GALNT9: variants seen among roughly 807,000 people sequenced by gnomAD.
The protein encoded by GALNT9 is GalNAc transferase 9.
A neutral mutation model predicts 63.1 loss-of-function variants in GALNT9; 47 were observed. The observed-to-expected ratio is 0.75, with a 90% CI of 0.59 to 0.95. The LOEUF is 0.95. Ranked by LOEUF, GALNT9 falls within the 40% of genes least tolerant of loss-of-function variation. GALNT9 has a pLI of 0.00. For synonymous variants in GALNT9, 396 were observed against 365.7 expected (o/e 1.08, Z -0.94); for missense variants, 829 against 874.8 (o/e 0.95, Z 0.66).
At chr12:132,220,766 T>C (rs555848832) in intron 6 of GALNT9, among the ~76,000 whole-genome samples, 32 of 152,280 alleles carry the variant, frequency 2.1e-4, no homozygotes, top group African/African-American at 7.7e-4. Flanking sequence ...ACTGTCCAGA[T>C]TTGTAGAAAC....
intron 2 of GALNT9, chr12:132,284,664 T>C (rs1395656549): frequency 3.3e-5 from 5 of 152,240 alleles, no homozygotes; most frequent in African/African-American, 7.2e-5. Context: ...CCTGTTTGTC[T>C]AAAGGACTCG....
At chr12:132,223,139 ACACACACCACACAAC>A in intron 6 of GALNT9, among the ~76,000 whole-genome samples, 1 of 29,404 alleles carries the variant, frequency 3.4e-5, no homozygotes, top group Non-Finnish European at 6.2e-5. Flanking sequence ...CACACCCCAC[ACACACACCACACAAC>A]CCACACACCA....
intron 1 of GALNT9, among the ~76,000 whole-genome samples, chr12:132,324,223 T>A (rs1868930404): frequency 6.6e-6 from 1 of 151,914 alleles, no homozygotes; most frequent in Non-Finnish European, 1.5e-5. Context: ...CCTCCGGAGC[T>A]CTCGAGGGAG....
At chr12:132,281,555 T>C (rs563256638) in intron 2 of GALNT9, among the ~76,000 whole-genome samples, 2 of 152,354 alleles carry the variant, frequency 1.3e-5, no homozygotes, top group South Asian at 2.1e-4. Context: ...AACCAGAGTA[T>C]CTATAAACTG....
At chr12:132,212,204 C>T (rs113666354) in intron 6 of GALNT9, among the ~76,000 whole-genome samples, 17 of 145,002 alleles carry the variant, frequency 1.2e-4, no homozygotes, top group Admixed American at 1.1e-3. Flanking sequence ...GACCTCGACA[C>T]GGAAACCCCA....
intron 6 of GALNT9, among the ~76,000 whole-genome samples, chr12:132,237,673 G>A (rs183044174): frequency 1.4e-4 from 21 of 152,368 alleles, no homozygotes; most frequent in African/African-American, 4.6e-4. Flanking sequence ...GTGGTGGTTC[G>A]TGGGTGGGGG....
chr12:132,198,207 T>C lies in GALNT9; in HGVS notation c.1498-248A>G, dbSNP rs1875686473. Among the ~76,000 whole-genome samples the C allele has an allele frequency of 3.9e-5, 6 of 152,352 alleles. No homozygotes were observed. In the South Asian group the frequency reaches 1.2e-3, roughly 32 times the overall value. The stretch of plus-strand genomic sequence containing the variant: ...TCCCGGCTTGCACAGCTGGCTGGTC[T>C]TCCGCCTGGACAGACGTCATGAATG... On this transcript the variant is annotated intron_variant, in intron 9 of 10. Coordinates refer to ENST00000328957, the MANE Select transcript of GALNT9 (RefSeq NM_001122636.2).
In GALNT9 at chr12:132,221,658, C is replaced by CA. The variant is rs761220333; in HGVS notation, c.1078-17969dup. Reference sequence around the variant, plus strand: ...CCTGGGTGACAGAGTGAGACGTTCTCAAAAAAAAAAAAAAAAAAAAGCAAG... The same window carrying CA: ...CCTGGGTGACAGAGTGAGACGTTCTCAAAAAAAAAAAAAAAAAAAAAGCAAG... On this transcript the variant is annotated intron_variant, in intron 6 of 10. Transcript: ENST00000328957. Among the ~76,000 whole-genome samples, 556 of 79,588 alleles carry CA rather than the reference C, an allele frequency of 7.0e-3. 14 individuals carry two copies. The highest frequency in any genetic ancestry group is 0.024 in the Middle Eastern group (3 of 124). The allele number at this position is 79,588 out of a possible 152,430, so 52.2% of individuals were successfully genotyped here.
Position 132,199,181 on chromosome 12 carries a change from G to A in GALNT9, c.1490C>T (p.Ser497Phe). 6.3e-7 allele frequency: 1 copy of A among 1,596,578 alleles called. No homozygotes were observed. Among genetic ancestry groups the A allele is most frequent in the Non-Finnish European group, 8.5e-7 (1 of 1,173,272 alleles). ...RAILYPCHGMSSQLVRYSADG... is the reference protein window; with the variant it reads ...RAILYPCHGMFSQLVRYSADG... ...GGCCGCTGCTACTCCTACCTGGGAG[G>A]ACATCCCGTGGCAGGGGTAGAGGAT... The change falls in exon 9 of 11, where the codon TCC (serine) becomes TTC (phenylalanine). Residue 497 changes from serine to phenylalanine, a missense_variant. By Grantham distance (155) the Ser-to-Phe change is radical. Coordinates refer to ENST00000328957, the MANE Select transcript of GALNT9 (RefSeq NM_001122636.2).
At chr12:132,227,873 CA>C (rs1418509153) in intron 6 of GALNT9, among the ~76,000 whole-genome samples, 1 of 152,048 alleles carries the variant, frequency 6.6e-6, no homozygotes, top group Non-Finnish European at 1.5e-5. Context: ...CAGGGATGTG[CA>C]AATGGACAGA....
Position 132,225,749 on chromosome 12 carries a change from CCCA to C in GALNT9, c.1078-22062_1078-22060del, listed in dbSNP as rs1291127674. 8.6e-3 allele frequency among the ~76,000 whole-genome samples: 1,281 copies of C among 148,364 alleles called. 16 individuals carry two copies. The highest frequency in any genetic ancestry group is 0.029 in the African/African-American group (1,162 of 39,648). On this transcript the variant is annotated intron_variant, in intron 6 of 10. Transcript: ENST00000328957. Reference sequence around the variant, plus strand: ...CACACAACACTGTACATACACACCCCCCACAACCCACACTACACACGCTGTATA... The same window carrying C: ...CACACAACACTGTACATACACACCCCCAACCCACACTACACACGCTGTATA...
At chr12:132,266,663 C>T (rs1314780401) in intron 2 of GALNT9, among the ~76,000 whole-genome samples, 1 of 152,240 alleles carries the variant, frequency 6.6e-6, no homozygotes, top group Non-Finnish European at 1.5e-5. Flanking sequence ...GTCTGCCCTC[C>T]AGAACGGGGG....
At chr12:132,303,401 G>GCACAGCCTCGCCCAGA (rs1272925406) in intron 1 of GALNT9, among the ~76,000 whole-genome samples, 2 of 98,080 alleles carry the variant, frequency 2.0e-5, no homozygotes, top group East Asian at 3.6e-4. Context: ...CCTCGCCCGG[G>GCACAGCCTCGCCCAGA]CACACCCTCA....
Position 132,316,660 on chromosome 12 carries a change from G to A in GALNT9, c.238+12306C>T, listed in dbSNP as rs571967150. 2.0e-5 allele frequency among the ~76,000 whole-genome samples: 3 copies of A among 152,082 alleles called. No homozygotes were observed. The East Asian group carries it at 5.8e-4, about 29-fold the overall frequency. On this transcript the variant is annotated intron_variant, in intron 1 of 10. Coordinates refer to ENST00000328957, the MANE Select transcript of GALNT9 (RefSeq NM_001122636.2). This position sits in a 1 kb window ranked among gnomAD's most constrained non-coding sequence, Gnocchi z 4.3. ...CCTCCGCTTCAGCAAATTCCCCCGT[G>A]CTCTGTGTAGTCCCTCAGCCACCCT...
chr12:132,197,858 G>T lies in GALNT9; in HGVS notation c.1599C>A (p.Arg533=), dbSNP rs775488875. ...SKCLVDDGTG[R]MPTLKKCEDV... is the part of the protein sequence containing the mutation. ...CCTCACACTTCTTCAGGGTGGGCATGCGGCCCGTGCCGTCATCCACCAGAC... is the reference window on the plus strand; with the variant it reads ...CCTCACACTTCTTCAGGGTGGGCATTCGGCCCGTGCCGTCATCCACCAGAC... Residue 533 remains arginine (R), a synonymous_variant, in exon 10 of 11, where the codon CGC becomes CGA. Coordinates refer to ENST00000328957, the MANE Select transcript of GALNT9 (RefSeq NM_001122636.2). 7.5e-6 allele frequency: 12 copies of T among 1,608,712 alleles called. No individual in the cohort carries two copies. The highest frequency in any genetic ancestry group is 8.5e-6 in the Non-Finnish European group (10 of 1,178,522).
chr12:132,317,805 C>T (rs547133784), intron 1 of GALNT9, among the ~76,000 whole-genome samples: 4 of 152,292 alleles, frequency 2.6e-5, no homozygotes, highest in East Asian at 3.9e-4. Context: ...GGAGGGGTAT[C>T]GGTGGGGCTG....
intron 1 of GALNT9, among the ~76,000 whole-genome samples, chr12:132,311,015 C>T (rs797034207): frequency 1.3e-5 from 2 of 152,308 alleles, no homozygotes; most frequent in African/African-American, 2.4e-5. Flanking sequence ...CCCATAATTG[C>T]GGCCTCTGTG....
intron 6 of GALNT9, among the ~76,000 whole-genome samples, chr12:132,210,464 G>A (rs369350868): frequency 3.4e-4 from 52 of 152,324 alleles, no homozygotes; most frequent in African/African-American, 1.1e-3. Context: ...AGGCTCAGAC[G>A]TCACACTCAT....
chr12:132,205,620 G>T (rs957454688), intron 6 of GALNT9: 1 of 152,374 alleles, frequency 6.6e-6, no homozygotes, highest in Non-Finnish European at 1.5e-5. Flanking sequence ...CCAGGCTGAA[G>T]TTGGCCTTTG....
Sources: gnomAD v4.1 joint callset for allele counts (sites outside exome capture counted in the v4.1 genomes callset) on GRCh38, gnomAD v4.1.1 for gene constraint, Gnocchi (gnomAD v3.1) non-coding constraint, MANE v1.5 for transcripts, NCBI Gene and HGNC (gene_info 2026-07-23, HGNC 2026-07-21) for gene names.